RTN4: variants seen among roughly 807,000 people sequenced by gnomAD.
RTN4 encodes reticulon-4.
Under a neutral mutation model 90.4 loss-of-function variants are expected in RTN4, and 32 were observed. That is an observed-to-expected ratio of 0.35 (90% CI 0.27 to 0.48). The LOEUF (loss-of-function observed/expected upper bound fraction) is 0.48, where lower values mean the gene tolerates loss of function less well. Ranked by LOEUF, RTN4 falls within the 20% of genes least tolerant of loss-of-function variation. The pLI is 0.99. For missense variants in RTN4, 1,706 were observed against 1,430.2 expected (o/e 1.19, Z -3.11); for synonymous variants, 629 against 552.5 (o/e 1.14, Z -1.94).
At chr2:55,084,297 C>A (rs1668795406) in intron 1 of RTN4, among the ~76,000 whole-genome samples, 1 of 145,378 alleles carries the variant, frequency 6.9e-6, no homozygotes, top group Non-Finnish European at 1.5e-5. Flanking sequence ...GTTGCATCCC[C>A]CCTGCCTTTT....
rs763719797 is a variant in RTN4 at position 54,974,761 on chromosome 2, C to T, written c.3364G>A (p.Ala1122Thr). ...VDDLVDSLKF[A>T]VLMWVFTYVG... ...TAGGTAAATACCCACATCAACACTG[C>T]AAACTATAAGAAAATAACATTAGCC... Residue 1122 changes from alanine (A) to threonine (T), a missense_variant, in exon 6 of 9, where the codon GCA (alanine) becomes ACA (threonine). Ala to Thr is a moderately conservative substitution (Grantham distance 58, BLOSUM62 0). Transcript: ENST00000337526. 4 of 1,612,862 alleles carry T rather than the reference C, an allele frequency of 2.5e-6. No individual in the cohort carries two copies. In the South Asian group the frequency reaches 4.4e-5, roughly 18 times the overall value.
chr2:55,096,676 G>A (rs1667728776), intron 1 of RTN4, among the ~76,000 whole-genome samples: 1 of 152,120 alleles, frequency 6.6e-6, no homozygotes, highest in Admixed American at 6.5e-5. Context: ...TGTTGCTTTG[G>A]GGTCTTTTTC....
At chr2:55,074,393 C>G (rs376248948) in intron 2 of RTN4, among the ~76,000 whole-genome samples, 1 of 151,418 alleles carries the variant, frequency 6.6e-6, no homozygotes, top group East Asian at 1.9e-4. Flanking sequence ...GTCCTAGCTA[C>G]TTAGGAAACT....
At chr2:55,104,513 G>C (rs1325996473) in intron 1 of RTN4, among the ~76,000 whole-genome samples, 2 of 151,766 alleles carry the variant, frequency 1.3e-5, no homozygotes, top group African/African-American at 4.8e-5. Context: ...ACCACATCTG[G>C]CTAATTTTTG....
intron 1 of RTN4, among the ~76,000 whole-genome samples, chr2:55,106,192 T>C (rs1364491341): frequency 6.6e-6 from 1 of 152,116 alleles, no homozygotes; most frequent in East Asian, 1.9e-4. Flanking sequence ...ATAGCTCACC[T>C]ATTTTCCTGT....
intron 1 of RTN4, among the ~76,000 whole-genome samples, chr2:55,086,677 CATA>C (rs1221139812): frequency 6.6e-6 from 1 of 151,832 alleles, no homozygotes; most frequent in Non-Finnish European, 1.5e-5. Context: ...CTCTAACCAA[CATA>C]ATAATAATAA....
chr2:55,114,420 C>T (rs570487195), upstream of RTN4, among the ~76,000 whole-genome samples: 90 of 152,276 alleles, frequency 5.9e-4, no homozygotes, highest in African/African-American at 2.1e-3. Context: ...AACTCCAGGC[C>T]GGGCGTGGTG....
chr2:54,984,123 C>G (rs536804925), intron 4 of RTN4, among the ~76,000 whole-genome samples: 21 of 152,242 alleles, frequency 1.4e-4, no homozygotes, highest in Non-Finnish European at 3.1e-4. Context: ...CCAGTTAGCC[C>G]CATCTCAAAT....
intron 1 of RTN4, among the ~76,000 whole-genome samples, chr2:55,085,996 C>T (rs1319301831): frequency 2.0e-5 from 3 of 152,158 alleles, no homozygotes; most frequent in South Asian, 2.1e-4. Flanking sequence ...AAGATTGTAG[C>T]GTCAATAGGT....
intron 1 of RTN4, among the ~76,000 whole-genome samples, chr2:55,081,062 A>C (rs1345717567): frequency 2.7e-5 from 4 of 149,820 alleles, no homozygotes; most frequent in Non-Finnish European, 4.5e-5. Context: ...TCTTTCTTTC[A>C]TTCTTTCATT....
At chr2:55,089,611 C>T (rs998049692) in intron 1 of RTN4, among the ~76,000 whole-genome samples, 4 of 152,234 alleles carry the variant, frequency 2.6e-5, no homozygotes, top group Admixed American at 6.5e-5. Flanking sequence ...CGTCCTGCTC[C>T]AACTAAGTGA....
intron 3 of RTN4, among the ~76,000 whole-genome samples, chr2:55,007,426 C>A (rs1240190420): frequency 6.6e-6 from 1 of 152,074 alleles, no homozygotes; most frequent in Non-Finnish European, 1.5e-5. Context: ...ATTTCTTTTA[C>A]AATCAAATCC....
intron 3 of RTN4, among the ~76,000 whole-genome samples, chr2:54,989,343 T>A (rs1678827051): frequency 6.6e-6 from 1 of 152,232 alleles, no homozygotes; most frequent in Non-Finnish European, 1.5e-5. Context: ...CAAACTCTGA[T>A]TTCAACTATT....
the RTN4 span, among the ~76,000 whole-genome samples, chr2:55,122,370 T>G: frequency 6.6e-6 from 1 of 152,192 alleles, no homozygotes; most frequent in African/African-American, 2.4e-5. Context: ...AAGTCATTAC[T>G]TCCCCACCAA....
chr2:55,118,339 C>A, the RTN4 span, among the ~76,000 whole-genome samples: 2 of 151,984 alleles, frequency 1.3e-5, no homozygotes, highest in African/African-American at 2.4e-5. Context: ...GTGGTGTGCC[C>A]CTGTAATTCC....
chr2:54,990,910 CGAGTAGCTG>C (rs1371147646), intron 3 of RTN4, among the ~76,000 whole-genome samples: 1 of 151,970 alleles, frequency 6.6e-6, no homozygotes, highest in African/African-American at 2.4e-5. Context: ...CTCAGCCTCC[CGAGTAGCTG>C]GGGCAGGCGC....
intron 6 of RTN4, 72 bp from the exon 7 acceptor site, chr2:54,973,939 T>C: frequency 1.5e-6 from 2 of 1,321,016 alleles, no homozygotes; most frequent in Non-Finnish European, 2.1e-6. Flanking sequence ...CAAAAAACTA[T>C]TAAACTGGCA....
intron 1 of RTN4, among the ~76,000 whole-genome samples, chr2:55,092,259 G>T (rs1668952881): frequency 6.7e-6 from 1 of 149,550 alleles, no homozygotes; most frequent in Non-Finnish European, 1.5e-5. Context: ...TTTCGAGTTG[G>T]AGTTTCCCTC....
At chr2:55,080,682 C>T (rs571612609) in intron 1 of RTN4, 1 of 152,252 alleles carries the variant, frequency 6.6e-6, no homozygotes, top group Admixed American at 6.5e-5. Flanking sequence ...ATACTGAAAC[C>T]GTCTTTCTAA....
Sources: allele counts gnomAD v4.1 joint callset (sites outside exome capture counted in the v4.1 genomes callset), GRCh38; gene constraint gnomAD v4.1.1; transcripts MANE v1.5; gene names NCBI Gene and HGNC (gene_info 2026-07-23, HGNC 2026-07-21).